The following P2RX5 variants were observed in gnomAD, a reference collection of about 807,000 sequenced individuals.
P2RX5 encodes P2X purinoceptor 5.
P2RX5 carries 46 observed loss-of-function variants against 54.1 expected under a neutral mutation model. That is an observed-to-expected ratio of 0.85 (90% CI 0.67 to 1.09). P2RX5 has a LOEUF of 1.09. Ranked by LOEUF, P2RX5 falls within the 50% of genes least tolerant of loss-of-function variation. The probability of loss-of-function intolerance (pLI) is 0.00; values close to 1 mark genes in which losing one functional copy is unlikely to be tolerated. For missense variants in P2RX5, 566 were observed against 549.8 expected, an observed-to-expected ratio of 1.03 and a Z score of -0.29; for synonymous variants, 226 against 226.4, an observed-to-expected ratio of 1.00 and a Z score of 0.02.
rs1000376237 is a variant in P2RX5, at chr17:3,675,329, C to G, written c.1260-1452G>C. The stretch of plus-strand genomic sequence containing the variant: ...TGCTAGGATTACAGGCGTGAGCCAC[C>G]GTGCCCGGCTAGGAAGACATTTTTG... On this transcript the variant is annotated intron_variant, in intron 11 of 11. Coordinates refer to ENST00000225328, the MANE Select transcript of P2RX5 (RefSeq NM_002561.4). 4.1e-6 allele frequency: 4 copies of G among 984,134 alleles called. No homozygotes were observed. The African/African-American group carries it at 7.0e-5, about 17-fold the overall frequency. 61.0% of individuals were successfully genotyped at this position (984,134 alleles called of 1,614,324 possible).
At position 3,690,642 on chromosome 17, in the gene P2RX5, G is replaced by A. The variant is rs113827107; in HGVS notation, c.399C>T (p.Ser133=). 17 of 1,613,282 alleles carry A rather than the reference G, an allele frequency of 1.1e-5. No individual in the cohort carries two copies. Among genetic ancestry groups the A allele is most frequent in the South Asian group, 8.8e-5 (8 of 91,092 alleles). The change falls in exon 4 of 12, where the codon AGC becomes AGT. Residue 133 remains serine (S), a synonymous_variant. Coordinates refer to ENST00000225328, the MANE Select transcript of P2RX5 (RefSeq NM_002561.4). ...TAACCGCTTCCCCAGCGTGGCAGTC[G>A]CTGTCCTTGGAGCACGCGCCATCAG... ...GIPDGACSKD[S]DCHAGEAVTA...
At chr17:3,698,602 T>G (rs565622774), upstream of P2RX5, among the ~76,000 whole-genome samples, 3 of 152,312 alleles carry the variant, frequency 2.0e-5, no homozygotes, top group East Asian at 5.8e-4. Flanking sequence ...GAGGCTGAAC[T>G]GCCAGGCACT....
chr17:3,706,338 G>GC, the P2RX5 span, among the ~76,000 whole-genome samples: 1 of 151,926 alleles, frequency 6.6e-6, no homozygotes, highest in African/African-American at 2.4e-5. Flanking sequence ...CAAGTGATCT[G>GC]CCCACCTTGC....
At chr17:3,699,750 A>C (rs1258221068), upstream of P2RX5, among the ~76,000 whole-genome samples, 1 of 151,032 alleles carries the variant, frequency 6.6e-6, no homozygotes, top group Non-Finnish European at 1.5e-5. Flanking sequence ...GCTTGCAGTG[A>C]GCCAAGATCG....
At chr17:3,710,580 C>A in the P2RX5 span, among the ~76,000 whole-genome samples, 1 of 151,762 alleles carries the variant, frequency 6.6e-6, no homozygotes, top group East Asian at 1.9e-4. Context: ...AAAAACCCCT[C>A]CTTGTAAATG....
In P2RX5 at chr17:3,691,680, C is replaced by A. The variant is rs2050621821; in HGVS notation, c.252G>T (p.Arg84=). The A allele has an allele frequency of 1.2e-6, 2 of 1,614,114 alleles. No homozygotes were observed. Among genetic ancestry groups the A allele is most frequent in the South Asian group, 2.2e-5 (2 of 91,090 alleles). The change falls in exon 2 of 12, where the codon CGG becomes CGT. Residue 84 remains arginine, a synonymous_variant. Transcript: ENST00000225328. ...TGACGTAGTCGGCGACATCCCAGAT[C>A]CGCTGCCCAAGATCCGAGGTGTTGG... ...AFTNTSDLGQ[R]IWDVADYVIP... is the part of the protein sequence containing the mutation.
chr17:3,709,824 G>A, the P2RX5 span, among the ~76,000 whole-genome samples: 2 of 152,266 alleles, frequency 1.3e-5, no homozygotes, highest in Admixed American at 6.5e-5. Flanking sequence ...CAGGAGAATC[G>A]CTTGAACCCA....
At position 3,690,951 on chromosome 17, in the gene P2RX5, C is replaced by T; in HGVS notation, c.360+5G>A. On this transcript the variant is annotated splice_donor_5th_base_variant and intron_variant, in intron 3 of 11. Coordinates refer to ENST00000225328, the MANE Select transcript of P2RX5 (RefSeq NM_002561.4). Reference sequence around the variant, plus strand: ...CCCACGCCAGGGCCCCTCGCCAAATCAAACCTCAGCACAGACGTTCTGCCG... The same window carrying T: ...CCCACGCCAGGGCCCCTCGCCAAATTAAACCTCAGCACAGACGTTCTGCCG... 6.2e-7 allele frequency: 1 copy of T among 1,610,554 alleles called. No individual in the cohort carries two copies. Among genetic ancestry groups the T allele is most frequent in the South Asian group, 1.1e-5 (1 of 90,678 alleles).
chr17:3,694,747 C>G (rs2050709925), intron 1 of P2RX5, among the ~76,000 whole-genome samples: 1 of 152,218 alleles, frequency 6.6e-6, no homozygotes. Context: ...CATCTATTCC[C>G]TAAGCAGTTA....
At chr17:3,716,860 A>G in the P2RX5 span, 1 of 950,148 alleles carries the variant, frequency 1.1e-6, no homozygotes, top group South Asian at 1.3e-5. Context: ...AAAATCCTAC[A>G]TGTTATTTTA....
the P2RX5 span, chr17:3,717,531 C>T: frequency 6.6e-6 from 1 of 152,184 alleles, no homozygotes; most frequent in African/African-American, 2.4e-5. Flanking sequence ...CCAGGTATGG[C>T]CCTTCCAAGT....
intron 1 of P2RX5, among the ~76,000 whole-genome samples, chr17:3,692,327 T>A (rs1201276045): frequency 6.6e-6 from 1 of 151,244 alleles, no homozygotes; most frequent in Non-Finnish European, 1.5e-5. Context: ...AAAAAATAAA[T>A]AAATAAATAA....
chr17:3,688,164 G>T, intron 8 of P2RX5, 59 bp from the exon 9 acceptor site: 2 of 899,730 alleles, frequency 2.2e-6, no homozygotes, highest in Non-Finnish European at 3.6e-6. Context: ...TCTTTAGGCA[G>T]CACTGATGTG....
chr17:3,720,456 C>T, the P2RX5 span: 1 of 843,776 alleles, frequency 1.2e-6, no homozygotes, highest in Non-Finnish European at 2.0e-6. Flanking sequence ...GACATGAACT[C>T]ACTGTGTTTG....
chr17:3,696,846 G>A (rs974471683), upstream of P2RX5, among the ~76,000 whole-genome samples: 4 of 152,164 alleles, frequency 2.6e-5, no homozygotes, highest in African/African-American at 7.2e-5. Flanking sequence ...AGGAAGGAAG[G>A]GGACACAACA....
chr17:3,689,522 G>C lies in P2RX5; in HGVS notation c.723C>G (p.Ala241=). 1.2e-6 allele frequency: 2 copies of C among 1,614,164 alleles called. No homozygotes were observed. The highest frequency in any genetic ancestry group is 2.2e-5 in the East Asian group (1 of 44,884). Residue 241 remains alanine (A), a synonymous_variant, in exon 7 of 12, where the codon GCC becomes GCG. Coordinates refer to ENST00000225328, the MANE Select transcript of P2RX5 (RefSeq NM_002561.4). The part of the protein sequence containing the change: ...IFRLGSVIRW[A]GSDFQDIALE... ...GGGCTATATCCTGGAAGTCGCTCCC[G>C]GCCCAGCGGATCACGGAGCCCAGTC... is the stretch of plus-strand genomic sequence containing the variant.
At chr17:3,676,904 C>G (rs183756766) in intron 11 of P2RX5, among the ~76,000 whole-genome samples, 1 of 152,050 alleles carries the variant, frequency 6.6e-6, no homozygotes, top group African/African-American at 2.4e-5. Context: ...TCTGCTAAAA[C>G]TACAAAAATT....
At chr17:3,680,695 G>GTCCTCCACCCTGCA (rs1235724255) in intron 10 of P2RX5, among the ~76,000 whole-genome samples, 1,322 of 53,180 alleles carry the variant, frequency 0.025, 395 homozygotes, top group Non-Finnish European at 0.039. Flanking sequence ...TCCATCCTGG[G>GTCCTCCACCCTGCA]TCCTCCACCC....
At chr17:3,702,617 G>A in the P2RX5 span, among the ~76,000 whole-genome samples, 10 of 152,204 alleles carry the variant, frequency 6.6e-5, no homozygotes, top group East Asian at 1.9e-4. Context: ...TGAAGTCAGC[G>A]AGACCATGAA....
Sources: gnomAD v4.1 joint callset for allele counts (sites outside exome capture counted in the v4.1 genomes callset) on GRCh38, gnomAD v4.1.1 for gene constraint, MANE v1.5 for transcripts, NCBI Gene and HGNC (gene_info 2026-07-23, HGNC 2026-07-21) for gene names.